PRKN: variants seen among roughly 807,000 people sequenced by gnomAD.
The protein encoded by PRKN is parkin RBR E3 ubiquitin protein ligase, also known as E3 ubiquitin-protein ligase parkin.
PRKN carries 56 observed loss-of-function variants against 59.5 expected under a neutral mutation model. That is an observed-to-expected ratio of 0.94 (90% CI 0.76 to 1.18). The LOEUF (loss-of-function observed/expected upper bound fraction) is 1.18, where lower values mean the gene tolerates loss of function less well. PRKN is among the 50% of genes most tolerant of loss of function. The probability of loss-of-function intolerance (pLI) is 0.00; values close to 1 mark genes in which losing one functional copy is unlikely to be tolerated. For missense variants in PRKN, 657 were observed against 596.4 expected (o/e 1.10, Z -1.06); for synonymous variants, 250 against 222.1 (o/e 1.13, Z -1.12).
chr6:162,104,359 C>T (rs899060253), intron 4 of PRKN, among the ~76,000 whole-genome samples: 5 of 152,142 alleles, frequency 3.3e-5, no homozygotes, highest in African/African-American at 1.2e-4. Context: ...AATAGGGAAT[C>T]TATGTAACCT....
chr6:162,713,493 CAAAA>C (rs373942233), intron 1 of PRKN, among the ~76,000 whole-genome samples: 6 of 80,880 alleles, frequency 7.4e-5, no homozygotes, highest in Admixed American at 1.6e-4. Flanking sequence ...GACTCCACCT[CAAAA>C]AAAAAAAAAA....
Position 161,503,680 on chromosome 6 carries a change from T to C in PRKN, c.1083+45174A>G, listed in dbSNP as rs1583162061. Among the ~76,000 whole-genome samples the C allele has an allele frequency of 6.6e-6, 1 of 152,316 alleles. No individual in the cohort carries two copies. Among genetic ancestry groups the C allele is most frequent in the South Asian group, 2.1e-4 (1 of 4,830 alleles). Reference sequence around the variant, plus strand: ...CCTGCTTCGAGAGCCTCTATGCTTCTATGAAGGTCACAACCAGAAGCAGTC... The same window carrying C: ...CCTGCTTCGAGAGCCTCTATGCTTCCATGAAGGTCACAACCAGAAGCAGTC... On this transcript the variant is annotated intron_variant, in intron 9 of 11. Transcript: ENST00000366898. This position sits in a 1 kb window ranked among gnomAD's most constrained non-coding sequence, Gnocchi z 5.1.
intron 7 of PRKN, among the ~76,000 whole-genome samples, chr6:161,706,993 T>C (rs956366639): frequency 1.3e-5 from 2 of 152,220 alleles, no homozygotes; most frequent in African/African-American, 4.8e-5. Flanking sequence ...AAAAACTTTA[T>C]AGAATTTTTC....
At chr6:161,729,950 G>A (rs1393397547) in intron 7 of PRKN, among the ~76,000 whole-genome samples, 2 of 152,044 alleles carry the variant, frequency 1.3e-5, no homozygotes, top group Non-Finnish European at 2.9e-5. Context: ...TCTTTCTGAT[G>A]TGTTGCATTC....
intron 9 of PRKN, among the ~76,000 whole-genome samples, chr6:161,505,656 T>C (rs1469607439): frequency 6.7e-6 from 1 of 149,330 alleles, no homozygotes; most frequent in Non-Finnish European, 1.5e-5. Context: ...TTTATGGTTT[T>C]AGGTCTAACG....
chr6:162,141,637 A>G lies in PRKN; in HGVS notation c.534+59494T>C, dbSNP rs1402251741. On this transcript the variant is annotated intron_variant, in intron 4 of 11. Transcript: ENST00000366898. ...TACATGCAAATTACCCATGGCAGTC[A>G]ATATTGGTAATAGAGAAACTTAAAA... Among the ~76,000 whole-genome samples the G allele has an allele frequency of 2.6e-5, 4 of 152,222 alleles. No homozygotes were observed. In the South Asian group the frequency reaches 8.3e-4, roughly 32 times the overall value.
At chr6:162,278,591 T>TA (rs1230753885) in intron 2 of PRKN, among the ~76,000 whole-genome samples, 8 of 151,932 alleles carry the variant, frequency 5.3e-5, no homozygotes, top group African/African-American at 1.2e-4. Flanking sequence ...CTAAAACTGC[T>TA]AAAAAATAAA....
At chr6:162,367,980 G>C (rs1191387232) in intron 2 of PRKN, among the ~76,000 whole-genome samples, 1 of 152,152 alleles carries the variant, frequency 6.6e-6, no homozygotes, top group African/African-American at 2.4e-5. Context: ...GAGTGGCATG[G>C]AGAAGGGATC....
At chr6:161,881,335 G>C (rs759897339) in intron 6 of PRKN, among the ~76,000 whole-genome samples, 5 of 152,176 alleles carry the variant, frequency 3.3e-5, no homozygotes, top group African/African-American at 4.8e-5. Flanking sequence ...TTGCGGGAGA[G>C]GTGGTACACA....
At chr6:161,654,130 C>T (rs748797256) in intron 7 of PRKN, among the ~76,000 whole-genome samples, 20 of 151,972 alleles carry the variant, frequency 1.3e-4, no homozygotes, top group Non-Finnish European at 2.8e-4. Flanking sequence ...CCGCACTTGG[C>T]TCTAAAAGGC....
chr6:162,013,607 T>C (rs1384016244), intron 5 of PRKN, among the ~76,000 whole-genome samples: 1 of 152,174 alleles, frequency 6.6e-6, no homozygotes, highest in African/African-American at 2.4e-5. Flanking sequence ...GTGATAACTG[T>C]GATTCCAATC....
At chr6:161,809,753 A>T (rs1791485128) in intron 6 of PRKN, among the ~76,000 whole-genome samples, 1 of 152,206 alleles carries the variant, frequency 6.6e-6, no homozygotes, top group South Asian at 2.1e-4. Context: ...CTGAAAAACT[A>T]CAAGAGACAA....
chr6:162,201,286 A>G, intron 3 of PRKN, 34 bp from the exon 4 acceptor site: 4 of 1,609,636 alleles, frequency 2.5e-6, no homozygotes, highest in Non-Finnish European at 3.4e-6. Flanking sequence ...GTGGCTAATA[A>G]TGCTGCATCT....
intron 5 of PRKN, among the ~76,000 whole-genome samples, chr6:162,021,252 T>C: frequency 1.7e-5 from 1 of 60,540 alleles, no homozygotes; most frequent in Non-Finnish European, 3.4e-5. Context: ...TGTACTTAAT[T>C]GATAAGAAAA....
At chr6:162,146,429 A>T (rs1299207941) in intron 4 of PRKN, among the ~76,000 whole-genome samples, 1 of 150,152 alleles carries the variant, frequency 6.7e-6, no homozygotes, top group African/African-American at 2.5e-5. Flanking sequence ...ATGTTTAGTA[A>T]ATATATATAT....
intron 2 of PRKN, among the ~76,000 whole-genome samples, chr6:162,372,842 T>C (rs565176536): frequency 1.4e-4 from 22 of 152,312 alleles, no homozygotes; most frequent in African/African-American, 5.1e-4. Flanking sequence ...TACCATATCA[T>C]GTTTAAAAAA....
chr6:161,661,604 T>A (rs1277136621), intron 7 of PRKN, among the ~76,000 whole-genome samples: 1 of 152,124 alleles, frequency 6.6e-6, no homozygotes, highest in Non-Finnish European at 1.5e-5. Context: ...TATATTTGCT[T>A]ATTAATTTCT....
chr6:162,094,099 A>ACT, intron 4 of PRKN, among the ~76,000 whole-genome samples: 1 of 152,162 alleles, frequency 6.6e-6, no homozygotes, highest in Non-Finnish European at 1.5e-5. Flanking sequence ...ATGAGACGAA[A>ACT]ACACAGACAC....
At chr6:162,664,253 A>G (rs1378222097) in intron 1 of PRKN, among the ~76,000 whole-genome samples, 1 of 152,102 alleles carries the variant, frequency 6.6e-6, no homozygotes, top group African/African-American at 2.4e-5. Flanking sequence ...ATAGTATTCC[A>G]TGGTGTATAC....
Sources: allele counts gnomAD v4.1 joint callset (sites outside exome capture counted in the v4.1 genomes callset), GRCh38; gene constraint gnomAD v4.1.1; non-coding constraint Gnocchi (gnomAD v3.1); transcripts MANE v1.5; gene names NCBI Gene and HGNC (gene_info 2026-07-23, HGNC 2026-07-21).